Variants in ZFP82 observed in about 807,000 individuals in gnomAD.
ZFP82 encodes ZFP82 zinc finger protein.
ZFP82 carries 30 observed loss-of-function variants against 54.0 expected under a neutral mutation model. The ratio of observed to expected loss-of-function variants is 0.56; its 90% CI spans 0.42 to 0.75. ZFP82 has a LOEUF of 0.75. Among genes scored for constraint, ZFP82 ranks in the 30% least tolerant of loss-of-function variants. The pLI is 0.00. For synonymous variants in ZFP82, 194 were observed against 209.5 expected, an observed-to-expected ratio of 0.93 and a Z score of 0.64; for missense variants, 500 against 636.8, an observed-to-expected ratio of 0.79 and a Z score of 2.31.
Position 36,393,278 on chromosome 19 carries a change from TGTTA to T in ZFP82, c.1058_1061del (p.Leu353HisfsTer144). ...CACCAGTATGAATTCTCTGATGGAGTGTTAGTTGTTGTCGCACTCTAAAGGCCTT... is the reference window on the plus strand; with the variant it reads ...CACCAGTATGAATTCTCTGATGGAGTGTTGTTGTCGCACTCTAAAGGCCTT... On this transcript the variant is annotated frameshift_variant, in exon 5 of 5. Coordinates refer to ENST00000392161, the MANE Select transcript of ZFP82 (RefSeq NM_133466.4). LOFTEE classifies it high-confidence loss of function. 1 of 1,610,618 alleles carries T rather than the reference TGTTA, an allele frequency of 6.2e-7. No homozygotes were observed. The highest frequency in any genetic ancestry group is 8.5e-7 in the Non-Finnish European group (1 of 1,178,894).
intron 1 of ZFP82, among the ~76,000 whole-genome samples, chr19:36,416,937 G>C (rs1403345362): frequency 8.3e-6 from 1 of 120,718 alleles, no homozygotes; most frequent in Non-Finnish European, 2.0e-5. Flanking sequence ...GCTGGGTGTG[G>C]TGGTGCAGGC....
At chr19:36,384,355 T>C (rs892480090), downstream of ZFP82, 1 of 152,186 alleles carries the variant, frequency 6.6e-6, no homozygotes, top group African/African-American at 2.4e-5. Context: ...TGGGAGTTGC[T>C]TTCCTCACCA....
chr19:36,411,677 A>C (rs1165476521), intron 1 of ZFP82, among the ~76,000 whole-genome samples: 5 of 152,120 alleles, frequency 3.3e-5, no homozygotes, highest in Non-Finnish European at 7.3e-5. Context: ...AATCCTGGCT[A>C]ACATGGTGAA....
intron 1 of ZFP82, among the ~76,000 whole-genome samples, chr19:36,413,140 T>G (rs1171136755): frequency 6.6e-6 from 1 of 152,214 alleles, no homozygotes; most frequent in African/African-American, 2.4e-5. Flanking sequence ...TGGCCAGGCA[T>G]AGTGGCTCAT....
chr19:36,385,468 T>C (rs1305863951), downstream of ZFP82, among the ~76,000 whole-genome samples: 2 of 152,216 alleles, frequency 1.3e-5, no homozygotes, highest in Non-Finnish European at 2.9e-5. Context: ...ACTGAAAGTG[T>C]GGAAGTGGCT....
chr19:36,387,299 A>G (rs943673815), downstream of ZFP82, among the ~76,000 whole-genome samples: 4 of 152,180 alleles, frequency 2.6e-5, no homozygotes, highest in African/African-American at 4.8e-5. Flanking sequence ...GTGTCCCCCA[A>G]TGCTCACCCC....
chr19:36,402,380 AACGGC>A (rs2032401097), intron 4 of ZFP82, among the ~76,000 whole-genome samples: 1 of 149,076 alleles, frequency 6.7e-6, no homozygotes, highest in South Asian at 2.1e-4. Context: ...GAGGCAAGAG[AACGGC>A]GTGAACCCAG....
chr19:36,409,852 G>C lies in ZFP82; in HGVS notation c.-63C>G. 6.3e-7 allele frequency: 1 copy of C among 1,579,398 alleles called. No homozygotes were observed. The highest frequency in any genetic ancestry group is 1.3e-5 in the African/African-American group (1 of 74,242). On this transcript the variant is annotated 5_prime_UTR_variant, in exon 2 of 5. Transcript: ENST00000392161. ...GTTTACTTGCCAGGAGAAGCACCGA[G>C]TCCACAGAGGCTGATCTAGGGAGAG...
chr19:36,413,800 ATAATACATAAAG>A (rs1217837386), intron 1 of ZFP82, among the ~76,000 whole-genome samples: 1 of 152,242 alleles, frequency 6.6e-6, no homozygotes, highest in African/African-American at 2.4e-5. Context: ...GGTTAAGAAC[ATAATACATAAAG>A]CACTTAAAAT....
At chr19:36,388,061 G>A (rs1471060972), downstream of ZFP82, among the ~76,000 whole-genome samples, 3 of 152,202 alleles carry the variant, frequency 2.0e-5, no homozygotes, top group East Asian at 5.8e-4. Context: ...AAAAGATACT[G>A]TGACTGAATC....
intron 4 of ZFP82, 153 bp from the exon 5 acceptor site, chr19:36,394,263 A>T (rs1399583916): frequency 2.8e-6 from 2 of 705,922 alleles, no homozygotes; most frequent in Non-Finnish European, 4.5e-6. Context: ...AGCCAAAGGG[A>T]ACATCAGGAA....
chr19:36,395,982 G>C (rs1280202526), intron 4 of ZFP82: 1 of 152,040 alleles, frequency 6.6e-6, no homozygotes, highest in Non-Finnish European at 1.5e-5. Flanking sequence ...TGCAGCCTCT[G>C]CCTCCTGGGT....
chr19:36,400,614 C>T (rs911639643), intron 4 of ZFP82, among the ~76,000 whole-genome samples: 1 of 152,218 alleles, frequency 6.6e-6, no homozygotes, highest in Non-Finnish European at 1.5e-5. Flanking sequence ...CATAACTACA[C>T]TGTTTTTCCC....
intron 1 of ZFP82, among the ~76,000 whole-genome samples, chr19:36,412,093 A>AGAGT (rs2032591863): frequency 8.8e-6 from 1 of 113,386 alleles, no homozygotes; most frequent in African/African-American, 3.2e-5. Context: ...AGAGAGAGAG[A>AGAGT]GAGTGTGCGT....
chr19:36,384,517 A>G (rs1379813988), downstream of ZFP82: 3 of 152,192 alleles, frequency 2.0e-5, no homozygotes, highest in Admixed American at 2.0e-4. Flanking sequence ...GAGTTAAATA[A>G]AATAAAACTC....
In ZFP82 at chr19:36,392,459, TAAA is replaced by T; in HGVS notation, c.*279_*281del. The T allele has an allele frequency of 6.8e-6, 2 of 295,210 alleles. No homozygotes were observed. Among genetic ancestry groups the T allele is most frequent in the Non-Finnish European group, 6.2e-6 (1 of 160,396 alleles). 18.3% of individuals were successfully genotyped at this position (295,210 alleles called of 1,614,324 possible). ...ACTCTTATATGACCATGTCATAAATTAAAAAATTATAGCACAGAGCAGTTAAGC... is the reference window on the plus strand; with the variant it reads ...ACTCTTATATGACCATGTCATAAATTAAATTATAGCACAGAGCAGTTAAGC... On this transcript the variant is annotated 3_prime_UTR_variant, in exon 5 of 5. Transcript: ENST00000392161.
chr19:36,414,613 C>G (rs916196119), intron 1 of ZFP82, among the ~76,000 whole-genome samples: 2 of 151,548 alleles, frequency 1.3e-5, no homozygotes, highest in Non-Finnish European at 2.9e-5. Flanking sequence ...CTGCCTGCCT[C>G]GGCCTCCCAA....
intron 2 of ZFP82, among the ~76,000 whole-genome samples, chr19:36,408,635 C>G (rs1003685759): frequency 1.3e-5 from 2 of 152,070 alleles, no homozygotes; most frequent in Non-Finnish European, 2.9e-5. Context: ...GCCTGACCAA[C>G]AGGAGAACCC....
At chr19:36,398,659 G>C (rs2032336389) in intron 4 of ZFP82, among the ~76,000 whole-genome samples, 2 of 151,510 alleles carry the variant, frequency 1.3e-5, no homozygotes, top group South Asian at 4.2e-4. Flanking sequence ...TGCTGAAAAG[G>C]TAACTAAAAA....
Sources: allele counts gnomAD v4.1 joint callset (sites outside exome capture counted in the v4.1 genomes callset), GRCh38; gene constraint gnomAD v4.1.1; transcripts MANE v1.5; gene names NCBI Gene and HGNC (gene_info 2026-07-23, HGNC 2026-07-21).